The following ADRA1B variants were observed in gnomAD, a reference collection of about 807,000 sequenced individuals.
The protein encoded by ADRA1B is alpha-1B adrenergic receptor.
A neutral mutation model predicts 17.9 loss-of-function variants in ADRA1B; 17 were observed. That is an observed-to-expected ratio of 0.95 (90% CI 0.65 to 1.42). The LOEUF is 1.42. Among genes scored for constraint, ADRA1B ranks in the 40% most tolerant of loss-of-function variants. The pLI is 0.00. For missense variants in ADRA1B, 681 were observed against 722.1 expected (o/e 0.94, Z 0.65); for synonymous variants, 366 against 327.6 (o/e 1.12, Z -1.27).
intron 1 of ADRA1B, among the ~76,000 whole-genome samples, chr5:159,892,787 G>C (rs890722113): frequency 6.6e-6 from 1 of 152,152 alleles, no homozygotes; most frequent in African/African-American, 2.4e-5. Context: ...TAGTGTTTCA[G>C]TGAACATATG....
intron 1 of ADRA1B, among the ~76,000 whole-genome samples, chr5:159,946,474 C>T (rs1029876103): frequency 6.6e-6 from 1 of 152,198 alleles, no homozygotes; most frequent in Non-Finnish European, 1.5e-5. Context: ...ACCCGCAAAG[C>T]CTCCCCATTT....
chr5:159,960,708 TAAA>T lies in ADRA1B; in HGVS notation c.950-11154_950-11152del, dbSNP rs71579107. Among the ~76,000 whole-genome samples, 391 of 118,920 alleles carry T rather than the reference TAAA, an allele frequency of 3.3e-3. 1 individual carries two copies. Among genetic ancestry groups the T allele is most frequent in the African/African-American group, 0.012 (376 of 32,556 alleles). The allele number at this position is 118,920 out of a possible 152,430, so 78.0% of individuals were successfully genotyped here. A position where few individuals can be genotyped will look rare whatever the true frequency, so the allele number is the denominator to read the frequency against. On this transcript the variant is annotated intron_variant, in intron 1 of 1. Transcript: ENST00000306675. ...GGCAATACAGAAAGACCCCAGCTCTTAAAAAAAAAAAAAAAAAAAGCAGATTCT... is the reference window on the plus strand; with the variant it reads ...GGCAATACAGAAAGACCCCAGCTCTTAAAAAAAAAAAAAAAAGCAGATTCT...
chr5:159,878,072 C>T (rs1753820582), intron 1 of ADRA1B, among the ~76,000 whole-genome samples: 1 of 152,170 alleles, frequency 6.6e-6, no homozygotes, highest in African/African-American at 2.4e-5. Flanking sequence ...GTCAGGACTC[C>T]AGGGCTGAAC....
At chr5:159,914,399 C>T (rs192385751), upstream of ADRA1B, among the ~76,000 whole-genome samples, 26 of 152,326 alleles carry the variant, frequency 1.7e-4, no homozygotes, top group African/African-American at 6.0e-4. Flanking sequence ...GTCTCTTTCC[C>T]TAGTGCACCA....
chr5:159,980,110 G>A, the ADRA1B span, among the ~76,000 whole-genome samples: 1 of 151,922 alleles, frequency 6.6e-6, no homozygotes, highest in African/African-American at 2.4e-5. Flanking sequence ...GTGGAAGGAG[G>A]GACTCCAGGC....
At chr5:159,939,306 TGTGTGTGTGTGTGTGTGCGC>T (rs1183189367) in intron 1 of ADRA1B, among the ~76,000 whole-genome samples, 46 of 141,938 alleles carry the variant, frequency 3.2e-4, no homozygotes, top group African/African-American at 1.2e-3. Context: ...TGTGTGTGTG[TGTGTGTGTGTGTGTGTGCGC>T]GCGCGCGCGC....
At chr5:159,967,887 C>A (rs1165662428) in intron 1 of ADRA1B, among the ~76,000 whole-genome samples, 1 of 152,176 alleles carries the variant, frequency 6.6e-6, no homozygotes, top group Admixed American at 6.5e-5. Flanking sequence ...AAAAATCTAG[C>A]CCATCATTGT....
downstream of ADRA1B, among the ~76,000 whole-genome samples, chr5:159,974,575 G>T (rs1755943378): frequency 6.6e-6 from 1 of 151,210 alleles, no homozygotes; most frequent in Non-Finnish European, 1.5e-5. Context: ...GGCGGAGGTT[G>T]CAGTGGGCCG....
intron 1 of ADRA1B, among the ~76,000 whole-genome samples, chr5:159,878,298 T>C (rs1378580982): frequency 6.6e-6 from 1 of 152,146 alleles, no homozygotes; most frequent in Admixed American, 6.5e-5. Flanking sequence ...GGGTTTGCAC[T>C]GGGCAGCTGG....
At chr5:159,960,485 C>A (rs1755647285) in intron 1 of ADRA1B, among the ~76,000 whole-genome samples, 1 of 152,194 alleles carries the variant, frequency 6.6e-6, no homozygotes, top group African/African-American at 2.4e-5. Flanking sequence ...AAAAATAGTT[C>A]TTAAAAGTAA....
chr5:159,873,684 G>T (rs892958209), intron 1 of ADRA1B, among the ~76,000 whole-genome samples: 17 of 152,238 alleles, frequency 1.1e-4, no homozygotes, highest in Admixed American at 1.1e-3. Flanking sequence ...ACATATACTG[G>T]ATGATGGTGG....
chr5:159,901,979 G>A (rs985604834), intron 1 of ADRA1B, among the ~76,000 whole-genome samples: 1 of 152,104 alleles, frequency 6.6e-6, no homozygotes, highest in Non-Finnish European at 1.5e-5. Flanking sequence ...ACCATATGAT[G>A]CAATAATCCC....
chr5:159,907,092 A>G (rs1317845401), intron 1 of ADRA1B, among the ~76,000 whole-genome samples: 3 of 152,140 alleles, frequency 2.0e-5, no homozygotes, highest in Non-Finnish European at 2.9e-5. Context: ...TCCTGTTGAC[A>G]CTAATTGTAC....
At chr5:159,885,793 C>A (rs895632440) in intron 1 of ADRA1B, among the ~76,000 whole-genome samples, 1 of 152,148 alleles carries the variant, frequency 6.6e-6, no homozygotes, top group African/African-American at 2.4e-5. Flanking sequence ...GAAAAACATC[C>A]CAAGTTAGAC....
At position 159,970,946 on chromosome 5, in the gene ADRA1B, A is replaced by T. The variant is rs1463529819; in HGVS notation, c.950-933A>T. 2.0e-5 allele frequency among the ~76,000 whole-genome samples: 3 copies of T among 152,160 alleles called. No homozygotes were observed. In the East Asian group the frequency reaches 5.8e-4, roughly 29 times the overall value. On this transcript the variant is annotated intron_variant, in intron 1 of 1. Transcript: ENST00000306675. ...CAACCTCCCAAGTAGCTAGGACTACAGGCACGCACCAACACGCCTGGTTAA... is the reference window on the plus strand; with the variant it reads ...CAACCTCCCAAGTAGCTAGGACTACTGGCACGCACCAACACGCCTGGTTAA...
At chr5:159,947,758 C>T (rs1755317250) in intron 1 of ADRA1B, 1 of 985,238 alleles carries the variant, frequency 1.0e-6, no homozygotes, top group Non-Finnish European at 1.2e-6. Context: ...AATGAATGAG[C>T]ACAATTTAAA....
At chr5:159,868,180 A>G (rs1341790090) in intron 1 of ADRA1B, 3 of 152,232 alleles carry the variant, frequency 2.0e-5, no homozygotes, top group Non-Finnish European at 4.4e-5. Context: ...AGACAAAACA[A>G]AAAGGCAAAA....
intron 1 of ADRA1B, chr5:159,947,986 G>T (rs1264179127): frequency 1.0e-6 from 1 of 985,254 alleles, no homozygotes; most frequent in Non-Finnish European, 1.2e-6. Flanking sequence ...GAAGGGAATT[G>T]ATTTGATCAA....
intron 1 of ADRA1B, chr5:159,948,498 A>C (rs2113254131): frequency 2.0e-6 from 2 of 979,390 alleles, no homozygotes; most frequent in South Asian, 9.4e-5. Flanking sequence ...GTTTTATTAC[A>C]AGAAGTTATA....
Sources: allele counts gnomAD v4.1 joint callset (sites outside exome capture counted in the v4.1 genomes callset), GRCh38; gene constraint gnomAD v4.1.1; transcripts MANE v1.5; gene names NCBI Gene and HGNC (gene_info 2026-07-23, HGNC 2026-07-21).